PTPRK: variants seen among roughly 807,000 people sequenced by gnomAD.
PTPRK encodes the protein protein tyrosine phosphatase receptor type K.
In PTPRK, 75 loss-of-function variants were observed where a neutral mutation model predicts 178.0. The observed-to-expected ratio is 0.42, with a 90% confidence interval of 0.35 to 0.51. PTPRK has a LOEUF of 0.51. PTPRK is among the 20% of genes least tolerant of loss of function. PTPRK has a pLI of 0.02. For missense variants in PTPRK, 1,441 were observed against 1,797.8 expected, an observed-to-expected ratio of 0.80 and a Z score of 3.59; for synonymous variants, 637 against 620.6, an observed-to-expected ratio of 1.03 and a Z score of -0.39.
chr6:128,045,346 C>A (rs936399532), intron 13 of PTPRK, among the ~76,000 whole-genome samples: 1 of 151,926 alleles, frequency 6.6e-6, no homozygotes, highest in Admixed American at 6.6e-5. Flanking sequence ...CAATACTCTC[C>A]ATCTAGTAGG....
intron 6 of PTPRK, among the ~76,000 whole-genome samples, chr6:128,193,237 C>T (rs1164993704): frequency 8.9e-6 from 1 of 112,318 alleles, no homozygotes; most frequent in Non-Finnish European, 1.7e-5. Flanking sequence ...TTCTAAGCAA[C>T]TGCTTAGTGA....
At chr6:128,508,112 G>A (rs1856628589) in intron 1 of PTPRK, among the ~76,000 whole-genome samples, 1 of 152,086 alleles carries the variant, frequency 6.6e-6, no homozygotes, top group African/African-American at 2.4e-5. Flanking sequence ...TCAGGAGTAT[G>A]GTCAGTTATA....
At chr6:128,158,203 C>T (rs182926151) in intron 7 of PTPRK, among the ~76,000 whole-genome samples, 9 of 151,586 alleles carry the variant, frequency 5.9e-5, no homozygotes, top group East Asian at 3.9e-4. Context: ...AGGTGGGAAT[C>T]GAACAATGAG....
chr6:128,059,407 A>G (rs1345982233), intron 13 of PTPRK, among the ~76,000 whole-genome samples: 1 of 152,182 alleles, frequency 6.6e-6, no homozygotes, highest in Non-Finnish European at 1.5e-5. Context: ...TATAAATGAC[A>G]ACATCTTAAA....
chr6:128,031,452 T>G (rs1775321307), intron 13 of PTPRK, among the ~76,000 whole-genome samples: 1 of 152,206 alleles, frequency 6.6e-6, no homozygotes, highest in Admixed American at 6.5e-5. Flanking sequence ...GCAGAGTAAT[T>G]TACATAAGAC....
At chr6:128,347,616 G>A (rs568235639) in intron 2 of PTPRK, among the ~76,000 whole-genome samples, 2 of 152,202 alleles carry the variant, frequency 1.3e-5, no homozygotes, top group South Asian at 4.1e-4. Flanking sequence ...TGTATGAGGG[G>A]AAGGGGACAG....
intron 1 of PTPRK, among the ~76,000 whole-genome samples, chr6:128,459,926 AAGGGGG>A (rs1241375744): frequency 2.0e-5 from 3 of 152,148 alleles, no homozygotes; most frequent in Non-Finnish European, 4.4e-5. Flanking sequence ...GCAGAAGGCA[AAGGGGG>A]AGCACAGCAT....
intron 7 of PTPRK, among the ~76,000 whole-genome samples, chr6:128,103,088 T>TGAGCAGAA (rs1251983501): frequency 1.3e-5 from 2 of 151,016 alleles, no homozygotes; most frequent in Non-Finnish European, 2.9e-5. Context: ...CTTGAGCAGA[T>TGAGCAGAA]GAGCAGAAGA....
chr6:128,520,039 C>T (rs1009906248), intron 1 of PTPRK, among the ~76,000 whole-genome samples: 9 of 152,200 alleles, frequency 5.9e-5, no homozygotes, highest in African/African-American at 4.8e-5. Context: ...CTAGACCGTG[C>T]CAGCCTGAGC....
At chr6:128,241,312 C>T (rs935812924) in intron 4 of PTPRK, 1 of 533,204 alleles carries the variant, frequency 1.9e-6, no homozygotes, top group Non-Finnish European at 3.8e-6. Flanking sequence ...AGACCAGCAA[C>T]ATCAGCTGCA....
intron 7 of PTPRK, among the ~76,000 whole-genome samples, chr6:128,136,872 A>G (rs1263115760): frequency 6.6e-6 from 1 of 152,172 alleles, no homozygotes; most frequent in Non-Finnish European, 1.5e-5. Context: ...GTCCACGTAC[A>G]TGGTTTCTAT....
chr6:128,499,644 TGA>T (rs1401333409), intron 1 of PTPRK, among the ~76,000 whole-genome samples: 1 of 152,236 alleles, frequency 6.6e-6, no homozygotes, highest in African/African-American at 2.4e-5. Context: ...AAACATTGTA[TGA>T]GAGAAGTATA....
intron 13 of PTPRK, among the ~76,000 whole-genome samples, chr6:128,039,738 G>A (rs1179881245): frequency 6.6e-6 from 1 of 152,132 alleles, no homozygotes; most frequent in African/African-American, 2.4e-5. Context: ...TGTGGCCAAT[G>A]TCTATTTTTA....
intron 1 of PTPRK, among the ~76,000 whole-genome samples, chr6:128,399,989 A>G (rs1391109927): frequency 1.3e-5 from 2 of 152,198 alleles, no homozygotes; most frequent in Admixed American, 6.5e-5. Flanking sequence ...CAAGAGGCAT[A>G]AAATATAGCA....
chr6:128,316,299 T>C (rs1309912053), intron 3 of PTPRK, among the ~76,000 whole-genome samples: 1 of 152,152 alleles, frequency 6.6e-6, no homozygotes, highest in Admixed American at 6.5e-5. Context: ...TCATTCCCCT[T>C]AGATAAAACA....
At chr6:128,148,313 G>A (rs1369093730) in intron 7 of PTPRK, among the ~76,000 whole-genome samples, 1 of 152,126 alleles carries the variant, frequency 6.6e-6, no homozygotes, top group Non-Finnish European at 1.5e-5. Context: ...TTGTGAGGTA[G>A]AGAATTCCTG....
chr6:128,327,481 C>G (rs150558677), intron 2 of PTPRK, among the ~76,000 whole-genome samples: 7 of 152,132 alleles, frequency 4.6e-5, no homozygotes, highest in Non-Finnish European at 8.8e-5. Context: ...CTTCACAAAC[C>G]ACCTTCTCCA....
At chr6:128,456,253 GTATA>G (rs1848381533) in intron 1 of PTPRK, among the ~76,000 whole-genome samples, 1 of 152,010 alleles carries the variant, frequency 6.6e-6, no homozygotes, top group Admixed American at 6.6e-5. Flanking sequence ...GGTACTATGA[GTATA>G]ACAAAGACAC....
intron 1 of PTPRK, among the ~76,000 whole-genome samples, chr6:128,462,713 T>C (rs1405471997): frequency 6.6e-6 from 1 of 151,968 alleles, no homozygotes; most frequent in Non-Finnish European, 1.5e-5. Context: ...TGGAGTGCAA[T>C]GGCATGATCT....
Sources: gnomAD v4.1 joint callset for allele counts (sites outside exome capture counted in the v4.1 genomes callset) on GRCh38, gnomAD v4.1.1 for gene constraint, MANE v1.5 for transcripts, NCBI Gene and HGNC (gene_info 2026-07-23, HGNC 2026-07-21) for gene names.